The following ENOX1 variants were observed in gnomAD, a reference collection of about 807,000 sequenced individuals.
The protein encoded by ENOX1 is ecto-NOX disulfide-thiol exchanger 1, also known as candidate growth-related and time keeping constitutive hydroquinone (NADH) oxidase.
Under a neutral mutation model 82.5 loss-of-function variants are expected in ENOX1, and 42 were observed. The ratio of observed to expected loss-of-function variants is 0.51; its 90% CI spans 0.40 to 0.66. ENOX1 has a LOEUF of 0.66. Ranked by LOEUF, ENOX1 falls within the 30% of genes least tolerant of loss-of-function variation. The pLI is 0.00. For synonymous variants in ENOX1, 271 were observed against 282.2 expected (o/e 0.96, Z 0.40); for missense variants, 608 against 811.6 (o/e 0.75, Z 3.05).
At chr13:43,277,812 A>C (rs900726713) in intron 12 of ENOX1, among the ~76,000 whole-genome samples, 2 of 152,176 alleles carry the variant, frequency 1.3e-5, no homozygotes, top group African/African-American at 2.4e-5. Flanking sequence ...AAAAGGAAAA[A>C]AATCCAAGAA....
At position 43,359,895 on chromosome 13, in the gene ENOX1, C is replaced by A. The variant is rs1190789682; in HGVS notation, c.545G>T (p.Arg182Leu). Residue 182 changes from arginine (R) to leucine (L), a missense_variant, in exon 7 of 17, where the codon CGC becomes CTC. By Grantham distance (102) the Arg-to-Leu change is moderately radical. Transcript: ENST00000690772. ...ATCAACCATGAATTCCTCTGCAAAGCGAATGTGACAAAAATTCTTCTTGCT... is the reference window on the plus strand; with the variant it reads ...ATCAACCATGAATTCCTCTGCAAAGAGAATGTGACAAAAATTCTTCTTGCT... ...RKSKKNFCHI[R>L]FAEEFMVDKA... The A allele has an allele frequency of 6.2e-7, 1 of 1,614,172 alleles. No individual in the cohort carries two copies. The highest frequency in any genetic ancestry group is 8.5e-7 in the Non-Finnish European group (1 of 1,180,018).
intron 2 of ENOX1, among the ~76,000 whole-genome samples, chr13:43,530,334 A>C (rs1335205120): frequency 6.6e-6 from 1 of 152,168 alleles, no homozygotes; most frequent in Non-Finnish European, 1.5e-5. Flanking sequence ...AGGTGCTTCC[A>C]TCCAATTATT....
chr13:43,624,706 CTGTTCATATT>C (rs1473573292), intron 2 of ENOX1, among the ~76,000 whole-genome samples: 1 of 152,060 alleles, frequency 6.6e-6, no homozygotes, highest in Non-Finnish European at 1.5e-5. Context: ...ATATGCACTT[CTGTTCATATT>C]TGTGTGGGTC....
intron 5 of ENOX1, among the ~76,000 whole-genome samples, chr13:43,396,044 A>G (rs1410192596): frequency 6.6e-6 from 1 of 152,232 alleles, no homozygotes; most frequent in African/African-American, 2.4e-5. Context: ...TACTGATAAG[A>G]AAATCTCTAC....
At chr13:43,236,505 C>T in intron 15 of ENOX1, 131 bp downstream of exon 15, 1 of 566,952 alleles carries the variant, frequency 1.8e-6, no homozygotes, top group Non-Finnish European at 2.9e-6. Flanking sequence ...GTAATATAAT[C>T]TTGATGAAAT....
At chr13:43,567,749 T>C (rs1256589303) in intron 2 of ENOX1, among the ~76,000 whole-genome samples, 1 of 152,200 alleles carries the variant, frequency 6.6e-6, no homozygotes, top group Non-Finnish European at 1.5e-5. Flanking sequence ...ACAGAATTTA[T>C]AAAGTAGATT....
chr13:43,399,047 G>A (rs998493766), intron 5 of ENOX1, among the ~76,000 whole-genome samples: 21 of 151,800 alleles, frequency 1.4e-4, no homozygotes, highest in African/African-American at 4.6e-4. Context: ...ACCTGTCTCG[G>A]CCTCCCAAAG....
At chr13:43,354,448 G>A (rs1184821870) in intron 8 of ENOX1, among the ~76,000 whole-genome samples, 1 of 151,150 alleles carries the variant, frequency 6.6e-6, no homozygotes, top group Non-Finnish European at 1.5e-5. Flanking sequence ...AAGATTGGAA[G>A]CACAGCACCC....
chr13:43,402,808 A>G (rs2053572221), intron 5 of ENOX1, among the ~76,000 whole-genome samples: 1 of 152,080 alleles, frequency 6.6e-6, no homozygotes, highest in Non-Finnish European at 1.5e-5. Flanking sequence ...GTATAGAAAC[A>G]CTCAAACTCA....
intron 5 of ENOX1, among the ~76,000 whole-genome samples, chr13:43,396,486 TCTCCTGTGTCAGC>T (rs998379646): frequency 7.9e-5 from 12 of 152,212 alleles, no homozygotes; most frequent in Admixed American, 2.0e-4. Context: ...TTCAAGTGAT[TCTCCTGTGTCAGC>T]CTCCTGAGTA....
chr13:43,370,471 C>T (rs1005152899), intron 5 of ENOX1, among the ~76,000 whole-genome samples: 2 of 152,162 alleles, frequency 1.3e-5, no homozygotes, highest in Admixed American at 6.5e-5. Context: ...CGGGCCATTG[C>T]CAGGTCTCAG....
intron 2 of ENOX1, among the ~76,000 whole-genome samples, chr13:43,641,865 C>T (rs1003269846): frequency 1.3e-5 from 2 of 151,896 alleles, no homozygotes; most frequent in Admixed American, 6.6e-5. Flanking sequence ...AAGTCTCATG[C>T]GTCTATCAAG....
rs551711493 is a variant in ENOX1, at chr13:43,682,614, C to CA, written c.-284-15071dup. 1.2e-3 allele frequency among the ~76,000 whole-genome samples: 184 copies of CA among 151,654 alleles called. 1 individual carries two copies. Among genetic ancestry groups the CA allele is most frequent in the Non-Finnish European group, 2.3e-3 (159 of 67,854 alleles). On this transcript the variant is annotated intron_variant, in intron 1 of 16. Coordinates refer to ENST00000690772, the MANE Select transcript of ENOX1 (RefSeq NM_001347969.2). ...ATAGAAAAAGTAGAATTCAACATTACAAAAAAAATTGCAAAAATTAAACAC... is the reference window on the plus strand; with the variant it reads ...ATAGAAAAAGTAGAATTCAACATTACAAAAAAAAATTGCAAAAATTAAACAC...
rs1038684440 is a variant in ENOX1 at position 43,213,479 on chromosome 13, T to G, written c.*511A>C. 5 of 151,956 alleles carry G rather than the reference T, an allele frequency of 3.3e-5. No individual in the cohort carries two copies. Among genetic ancestry groups the G allele is most frequent in the Non-Finnish European group, 7.4e-5 (5 of 67,938 alleles). 9.4% of individuals were successfully genotyped at this position (151,956 alleles called of 1,614,324 possible). On this transcript the variant is annotated 3_prime_UTR_variant, in exon 17 of 17. Coordinates refer to ENST00000690772, the MANE Select transcript of ENOX1 (RefSeq NM_001347969.2). ...AACTGTTTAGACACATATTCAAGTT[T>G]TCTTTTGGTATGCTTTTCCCTCACT...
intron 2 of ENOX1, among the ~76,000 whole-genome samples, chr13:43,590,070 A>G (rs2081175007): frequency 6.6e-6 from 1 of 152,218 alleles, no homozygotes; most frequent in Non-Finnish European, 1.5e-5. Flanking sequence ...TTGACATAGA[A>G]CAGAAAATCG....
intron 3 of ENOX1, among the ~76,000 whole-genome samples, chr13:43,470,387 C>CACATATATAT (rs1566308507): frequency 0.19 from 9,586 of 50,358 alleles, 2,015 homozygotes; most frequent in Non-Finnish European, 0.29. Context: ...CATATATATA[C>CACATATATAT]GTATATATAT....
chr13:43,540,973 AAATC>A (rs2078682464), intron 2 of ENOX1, among the ~76,000 whole-genome samples: 1 of 152,130 alleles, frequency 6.6e-6, no homozygotes, highest in Non-Finnish European at 1.5e-5. Context: ...TGGTAATTCT[AAATC>A]AATCAACAGG....
At chr13:43,750,078 A>G (rs1367498826) in intron 1 of ENOX1, among the ~76,000 whole-genome samples, 5 of 152,242 alleles carry the variant, frequency 3.3e-5, no homozygotes, top group African/African-American at 4.8e-5. Context: ...TTAAAAAGTC[A>G]GCAGCAATAA....
In ENOX1 at chr13:43,620,431, T is replaced by C. The variant is rs145575927; in HGVS notation, c.-219+47048A>G. On this transcript the variant is annotated intron_variant, in intron 2 of 16. Transcript: ENST00000690772. ...CTGCTTTTGCTGTATCCCAAAGGTT[T>C]TGATAGGTTGTGTCATTACTGTCGT... Among the ~76,000 whole-genome samples, 1,002 of 152,206 alleles carry C rather than the reference T, an allele frequency of 6.6e-3. 8 individuals are homozygous for C. The highest frequency in any genetic ancestry group is 0.023 in the African/African-American group (970 of 41,550).
Sources: gnomAD v4.1 joint callset for allele counts (sites outside exome capture counted in the v4.1 genomes callset) on GRCh38, gnomAD v4.1.1 for gene constraint, MANE v1.5 for transcripts, NCBI Gene and HGNC (gene_info 2026-07-23, HGNC 2026-07-21) for gene names.